Variants in PAK1 observed in about 807,000 individuals in gnomAD.
The protein encoded by PAK1 is p21 (RAC1) activated kinase 1.
PAK1 carries 29 observed loss-of-function variants against 67.4 expected under a neutral mutation model. That is an observed-to-expected ratio of 0.43 (90% CI 0.32 to 0.59). The LOEUF is 0.59. Among genes scored for constraint, PAK1 ranks in the 20% least tolerant of loss-of-function variants. The probability of loss-of-function intolerance (pLI) is 0.07; values close to 1 mark genes in which losing one functional copy is unlikely to be tolerated. For synonymous variants in PAK1, 223 were observed against 237.4 expected (o/e 0.94, Z 0.56); for missense variants, 337 against 670.7 (o/e 0.50, Z 5.50).
chr11:77,401,064 G>A (rs535757288), intron 1 of PAK1, among the ~76,000 whole-genome samples: 1 of 152,272 alleles, frequency 6.6e-6, no homozygotes, highest in South Asian at 2.1e-4. Context: ...ATATTAACTC[G>A]AGAAGAAGAA....
At chr11:77,410,532 A>G (rs1196553722) in intron 1 of PAK1, among the ~76,000 whole-genome samples, 1 of 152,166 alleles carries the variant, frequency 6.6e-6, no homozygotes, top group East Asian at 1.9e-4. Context: ...CCTACTAATA[A>G]TAAGAAAGCT....
At chr11:77,518,272 A>G in the PAK1 span, among the ~76,000 whole-genome samples, 2 of 152,214 alleles carry the variant, frequency 1.3e-5, no homozygotes, top group Non-Finnish European at 2.9e-5. Flanking sequence ...AAGGAAGGAC[A>G]AATAGATATT....
intron 1 of PAK1, among the ~76,000 whole-genome samples, chr11:77,408,919 C>CA (rs1479048207): frequency 6.6e-6 from 1 of 152,040 alleles, no homozygotes; most frequent in Non-Finnish European, 1.5e-5. Flanking sequence ...AAATACAAAT[C>CA]AAAACCATAA....
rs111394495 is a variant in PAK1 at position 77,468,597 on chromosome 11, C to T, written c.-22+4955G>A. ...GGCAGCTTCAGTAAAGAGGTATTAT[C>T]TTCTAAGTCTGCAACATCATGACCA... On this transcript the variant is annotated intron_variant, in intron 1 of 14. Coordinates refer to ENST00000356341, the MANE Select transcript of PAK1 (RefSeq NM_002576.5). 9.8e-3 allele frequency among the ~76,000 whole-genome samples: 1,491 copies of T among 152,294 alleles called. 24 individuals carry two copies. The highest frequency in any genetic ancestry group is 0.034 in the Middle Eastern group (10 of 294).
At chr11:77,394,432 T>C (rs942437102) in intron 1 of PAK1, among the ~76,000 whole-genome samples, 3 of 151,598 alleles carry the variant, frequency 2.0e-5, no homozygotes, top group African/African-American at 7.3e-5. Context: ...ATAAAATCTA[T>C]AGGAGTTTTT....
intron 1 of PAK1, among the ~76,000 whole-genome samples, chr11:77,444,344 A>C (rs1240744374): frequency 1.3e-5 from 2 of 151,724 alleles, no homozygotes; most frequent in African/African-American, 4.8e-5. Flanking sequence ...CATCCCCCAA[A>C]TTTAACTTAT....
chr11:77,468,091 C>A (rs969347712), intron 1 of PAK1, among the ~76,000 whole-genome samples: 1 of 152,204 alleles, frequency 6.6e-6, no homozygotes, highest in Non-Finnish European at 1.5e-5. Flanking sequence ...AGAAAATGCT[C>A]TTGCCAGCCT....
At chr11:77,385,998 G>A (rs1950405073) in intron 2 of PAK1, among the ~76,000 whole-genome samples, 1 of 152,204 alleles carries the variant, frequency 6.6e-6, no homozygotes, top group South Asian at 2.1e-4. Flanking sequence ...TGGTTGAGGT[G>A]AGAAAGAGGA....
intron 11 of PAK1, 25 bp from the exon 12 acceptor site, chr11:77,337,448 GAGAA>G: frequency 8.1e-7 from 1 of 1,239,422 alleles, no homozygotes; most frequent in Non-Finnish European, 1.2e-6. Flanking sequence ...TGGGCAGGGG[GAGAA>G]AGAAAGGACA....
At position 77,338,655 on chromosome 11, in the gene PAK1, A is replaced by G. The variant is rs116756579; in HGVS notation, c.1117-1232T>C. On this transcript the variant is annotated intron_variant, in intron 11 of 14. Coordinates refer to ENST00000356341, the MANE Select transcript of PAK1 (RefSeq NM_002576.5). ...CATACCTCCACACAAAAACTGGTAT[A>G]TAAGTGTTCATAGAGTAATTTTTTA... Among the ~76,000 whole-genome samples, 564 of 152,314 alleles carry G rather than the reference A, an allele frequency of 3.7e-3. 6 individuals carry two copies. The highest frequency in any genetic ancestry group is 0.013 in the African/African-American group (524 of 41,574).
At chr11:77,486,250 T>C in the PAK1 span, among the ~76,000 whole-genome samples, 115,835 of 151,928 alleles carry the variant, frequency 0.76, 45,116 homozygotes, top group East Asian at 0.93. Flanking sequence ...CCTGTAATCC[T>C]AGCACTTTGG....
Position 77,322,854 on chromosome 11 carries a change from T to G in PAK1, c.*420A>C, listed in dbSNP as rs527587146. On this transcript the variant is annotated 3_prime_UTR_variant, in exon 15 of 15. Transcript: ENST00000356341. ...ACAATGAGGTGTCTGGGCAGTTGAG[T>G]CACAGAAAAGCAAGCACTAAAGAAA... The G allele has an allele frequency of 4.2e-6, 2 of 481,890 alleles. No homozygotes were observed. The highest frequency in any genetic ancestry group is 1.9e-5 in the African/African-American group (1 of 51,734). The allele number at this position is 481,890 out of a possible 1,614,324, so 29.9% of individuals were successfully genotyped here. A position where few individuals can be genotyped will look rare whatever the true frequency, so the allele number is the denominator to read the frequency against.
intron 1 of PAK1, among the ~76,000 whole-genome samples, chr11:77,415,009 T>C (rs773670122): frequency 3.3e-5 from 5 of 152,088 alleles, no homozygotes; most frequent in Admixed American, 1.3e-4. Context: ...AAAATATACA[T>C]AGAACTCTTA....
intron 1 of PAK1, among the ~76,000 whole-genome samples, chr11:77,472,520 C>T (rs766957852): frequency 3.3e-5 from 5 of 152,100 alleles, no homozygotes; most frequent in East Asian, 1.9e-4. Flanking sequence ...GCTACTTGCC[C>T]GTTTTGGGGC....
At chr11:77,490,210 G>A in the PAK1 span, among the ~76,000 whole-genome samples, 1 of 149,950 alleles carries the variant, frequency 6.7e-6, no homozygotes, top group African/African-American at 2.5e-5. Flanking sequence ...GAGCCCCTCC[G>A]CCCAGCAACC....
At chr11:77,444,025 T>C (rs1382524000) in intron 1 of PAK1, among the ~76,000 whole-genome samples, 1 of 152,166 alleles carries the variant, frequency 6.6e-6, no homozygotes, top group Admixed American at 6.5e-5. Context: ...CTTCTATAAA[T>C]GAGCAAACTG....
At chr11:77,461,563 C>G (rs1284636794) in intron 1 of PAK1, among the ~76,000 whole-genome samples, 1 of 152,040 alleles carries the variant, frequency 6.6e-6, no homozygotes, top group African/African-American at 2.4e-5. Context: ...ACAATGAAGA[C>G]TAAAGAGTAA....
the PAK1 span, among the ~76,000 whole-genome samples, chr11:77,489,650 T>G: frequency 2.0e-5 from 3 of 151,976 alleles, no homozygotes; most frequent in Non-Finnish European, 4.4e-5. Flanking sequence ...GGGGTTTCAC[T>G]GTGTTGGCCG....
rs1007296622 is a variant in PAK1, at chr11:77,323,097, T to C, written c.*177A>G. The C allele has an allele frequency of 8.0e-6, 9 of 1,124,188 alleles. No homozygotes were observed. Among genetic ancestry groups the C allele is most frequent in the African/African-American group, 4.6e-5 (3 of 64,904 alleles). The allele number at this position is 1,124,188 out of a possible 1,614,324, so 69.6% of individuals were successfully genotyped here. ...GGCCATCATCTGATTAGTCATTCAG[T>C]TGCAGTTCTCTTCAATGCTGGACAC... On this transcript the variant is annotated 3_prime_UTR_variant, in exon 15 of 15. Coordinates refer to ENST00000356341, the MANE Select transcript of PAK1 (RefSeq NM_002576.5).
Sources: gnomAD v4.1 joint callset for allele counts (sites outside exome capture counted in the v4.1 genomes callset) on GRCh38, gnomAD v4.1.1 for gene constraint, MANE v1.5 for transcripts, NCBI Gene and HGNC (gene_info 2026-07-23, HGNC 2026-07-21) for gene names.